The following MAPRE1 variants were observed in gnomAD, a reference collection of about 807,000 sequenced individuals.
MAPRE1 encodes the protein microtubule associated protein RP/EB family member 1.
In MAPRE1, 5 loss-of-function variants were observed where a neutral mutation model predicts 32.1. The ratio of observed to expected loss-of-function variants is 0.16; its 90% CI spans 0.08 to 0.33. The LOEUF is 0.33. MAPRE1 is among the 10% of genes least tolerant of loss of function. MAPRE1 has a pLI of 1.00. For synonymous variants in MAPRE1, 122 were observed against 118.9 expected (o/e 1.03, Z -0.17); for missense variants, 209 against 327.2 (o/e 0.64, Z 2.79).
At chr20:32,821,440 A>G (rs1982699035) in intron 1 of MAPRE1, among the ~76,000 whole-genome samples, 1 of 152,160 alleles carries the variant, frequency 6.6e-6, no homozygotes, top group Admixed American at 6.5e-5. Context: ...TAACCTCTTT[A>G]TTACACTTTC....
chr20:32,820,312 T>C (rs1409332675), intron 1 of MAPRE1, among the ~76,000 whole-genome samples: 3 of 151,958 alleles, frequency 2.0e-5, no homozygotes, highest in Non-Finnish European at 2.9e-5. Flanking sequence ...GTCCCTGCGC[T>C]GCAGCGACTG....
At chr20:32,823,019 A>G (rs781500554) in intron 1 of MAPRE1, among the ~76,000 whole-genome samples, 8 of 152,186 alleles carry the variant, frequency 5.3e-5, no homozygotes, top group Non-Finnish European at 1.0e-4. Flanking sequence ...ACAAGTTTAT[A>G]TAGACACATT....
At chr20:32,841,942 G>GGTTCTT (rs1390281596) in intron 5 of MAPRE1, among the ~76,000 whole-genome samples, 2 of 151,786 alleles carry the variant, frequency 1.3e-5, no homozygotes, top group South Asian at 2.1e-4. Flanking sequence ...TGATGATTAT[G>GGTTCTT]GTTCTTGTTC....
intron 1 of MAPRE1, 112 bp from the exon 2 acceptor site, chr20:32,825,813 A>G: frequency 1.3e-6 from 1 of 744,060 alleles, no homozygotes; most frequent in Non-Finnish European, 2.0e-6. Flanking sequence ...ATAAAATAAA[A>G]TAAAATTGAG....
intron 2 of MAPRE1, among the ~76,000 whole-genome samples, chr20:32,830,440 G>A (rs916552623): frequency 2.0e-5 from 3 of 152,158 alleles, no homozygotes; most frequent in African/African-American, 7.2e-5. Flanking sequence ...CCTCAGGCTA[G>A]CTCCCTTTTC....
At chr20:32,832,001 T>C (rs1171417164) in intron 2 of MAPRE1, among the ~76,000 whole-genome samples, 1 of 150,466 alleles carries the variant, frequency 6.6e-6, no homozygotes, top group East Asian at 1.9e-4. Flanking sequence ...GTTGGATGAG[T>C]AAATAAATCA....
At chr20:32,841,464 T>C (rs1437860108) in intron 5 of MAPRE1, among the ~76,000 whole-genome samples, 1 of 151,820 alleles carries the variant, frequency 6.6e-6, no homozygotes, top group African/African-American at 2.4e-5. Flanking sequence ...TTTTTTTTTT[T>C]TAATTATTAT....
intron 3 of MAPRE1, among the ~76,000 whole-genome samples, 188 bp downstream of exon 3, chr20:32,834,050 GTTTC>G (rs971227368): frequency 3.3e-5 from 5 of 152,034 alleles, no homozygotes; most frequent in African/African-American, 9.7e-5. Context: ...CCCCTTGCTT[GTTTC>G]TTTCTTCATC....
At chr20:32,827,230 A>G (rs1242967492) in intron 2 of MAPRE1, among the ~76,000 whole-genome samples, 1 of 151,612 alleles carries the variant, frequency 6.6e-6, no homozygotes, top group African/African-American at 2.4e-5. Context: ...ACATGGTGAA[A>G]CCCCGTCTCT....
intron 1 of MAPRE1, among the ~76,000 whole-genome samples, chr20:32,821,834 C>G (rs573491686): frequency 5.9e-5 from 9 of 152,134 alleles, no homozygotes; most frequent in Non-Finnish European, 1.2e-4. Context: ...AAGAGAGATT[C>G]CTGGGTAGGT....
chr20:32,824,006 A>G (rs1309974873), intron 1 of MAPRE1, among the ~76,000 whole-genome samples: 2 of 152,328 alleles, frequency 1.3e-5, no homozygotes, highest in Admixed American at 6.5e-5. Flanking sequence ...CTAGAGCTTC[A>G]TGTGGTTGCT....
intron 2 of MAPRE1, among the ~76,000 whole-genome samples, chr20:32,829,408 A>G (rs1328312569): frequency 2.0e-5 from 3 of 152,214 alleles, no homozygotes; most frequent in Non-Finnish European, 1.5e-5. Flanking sequence ...TGGTGTTTAG[A>G]AAATGAGGTC....
chr20:32,835,364 G>GTTTTTTTTTTTTTTTTT lies in MAPRE1; in HGVS notation c.268-1254_268-1253insTTTTTTTTTTTTTTTTT. Among the ~76,000 whole-genome samples the GTTTTTTTTTTTTTTTTT allele has an allele frequency of 4.1e-3, 434 of 106,598 alleles. 97 individuals are homozygous for GTTTTTTTTTTTTTTTTT. Among genetic ancestry groups the GTTTTTTTTTTTTTTTTT allele is most frequent in the African/African-American group, 0.019 (411 of 21,408 alleles). 69.9% of individuals were successfully genotyped at this position (106,598 alleles called of 152,430 possible). On this transcript the variant is annotated intron_variant, in intron 3 of 6. Coordinates refer to ENST00000375571, the MANE Select transcript of MAPRE1 (RefSeq NM_012325.3). ...TTTTTGTGTGTGTGTTTTTATTGGT[G>GTTTTTTTTTTTTTTTTT]TTTTTTTTTTTTTTTTGAGATGAGG...
chr20:32,830,527 TCA>T (rs1309235407), intron 2 of MAPRE1, among the ~76,000 whole-genome samples: 1 of 152,144 alleles, frequency 6.6e-6, no homozygotes, highest in Non-Finnish European at 1.5e-5. Flanking sequence ...TGAGGCTAAT[TCA>T]CAGTTTTATT....
intron 1 of MAPRE1, among the ~76,000 whole-genome samples, chr20:32,820,688 G>A (rs1274963173): frequency 6.6e-6 from 1 of 152,122 alleles, no homozygotes; most frequent in Non-Finnish European, 1.5e-5. Flanking sequence ...ACAAAGATTT[G>A]CTCTCCAGGA....
chr20:32,843,493 AC>A (rs1412791836), intron 5 of MAPRE1: 2 of 152,264 alleles, frequency 1.3e-5, no homozygotes, highest in Non-Finnish European at 2.9e-5. Context: ...TACCTGATTT[AC>A]ATGGTCTAGT....
chr20:32,820,754 GT>G (rs1164868961), intron 1 of MAPRE1, among the ~76,000 whole-genome samples: 1 of 152,180 alleles, frequency 6.6e-6, no homozygotes, highest in Admixed American at 6.5e-5. Flanking sequence ...AACAGTGCTA[GT>G]TCAGTCCCTA....
intron 2 of MAPRE1, among the ~76,000 whole-genome samples, chr20:32,831,965 CAAA>C (rs1295874135): frequency 7.7e-6 from 1 of 129,516 alleles, no homozygotes; most frequent in Middle Eastern, 3.8e-3. Flanking sequence ...AAAAAAAAAA[CAAA>C]AGAATGCCCT....
At chr20:32,827,272 G>A (rs1381209530) in intron 2 of MAPRE1, among the ~76,000 whole-genome samples, 3 of 152,082 alleles carry the variant, frequency 2.0e-5, no homozygotes, top group Admixed American at 6.6e-5. Context: ...GCCGGGGGTG[G>A]TGGCAGGCGC....
Sources: allele counts gnomAD v4.1 joint callset (sites outside exome capture counted in the v4.1 genomes callset), GRCh38; gene constraint gnomAD v4.1.1; transcripts MANE v1.5; gene names NCBI Gene and HGNC (gene_info 2026-07-23, HGNC 2026-07-21).